The following CSF2 variants were observed in gnomAD, a reference collection of about 807,000 sequenced individuals.
CSF2 encodes the protein granulocyte-macrophage colony-stimulating factor.
CSF2 carries 2 observed loss-of-function variants against 13.5 expected under a neutral mutation model. The observed-to-expected ratio is 0.15, with a 90% confidence interval of 0.06 to 0.47. The LOEUF is 0.47. Ranked by LOEUF, CSF2 falls within the 20% of genes least tolerant of loss-of-function variation. The pLI is 0.97. For synonymous variants in CSF2, 66 were observed against 69.2 expected, an observed-to-expected ratio of 0.95 and a Z score of 0.23; for missense variants, 141 against 179.7, an observed-to-expected ratio of 0.78 and a Z score of 1.23.
Position 132,075,906 on chromosome 5 carries a change from A to G in CSF2, c.*54A>G. 7.2e-7 allele frequency: 1 copy of G among 1,386,036 alleles called. No homozygotes were observed. The highest frequency in any genetic ancestry group is 1.0e-6 in the Non-Finnish European group (1 of 984,210). The allele number at this position is 1,386,036 out of a possible 1,614,324, so 85.9% of individuals were successfully genotyped here. On this transcript the variant is annotated 3_prime_UTR_variant, in exon 4 of 4. Transcript: ENST00000296871. ...GGGAGCTGCTCTCTCATGAAACAAGAGCTAGAAACTCAGGATGGTCATCTT... is the reference window on the plus strand; with the variant it reads ...GGGAGCTGCTCTCTCATGAAACAAGGGCTAGAAACTCAGGATGGTCATCTT...
rs953117638 is a variant in CSF2 at position 132,076,075 on chromosome 5, T to A, written c.*223T>A. On this transcript the variant is annotated 3_prime_UTR_variant, in exon 4 of 4. Transcript: ENST00000296871. ...AGTAATATTTATATATTTATATTTT[T>A]AAAATATTTATTTATTTATTTATTT... is the stretch of plus-strand genomic sequence containing the variant. 9 of 187,262 alleles carry A rather than the reference T, an allele frequency of 4.8e-5. No individual in the cohort carries two copies. The highest frequency in any genetic ancestry group is 1.4e-4 in the African/African-American group (6 of 42,242). The allele number at this position is 187,262 out of a possible 1,614,324, so 11.6% of individuals were successfully genotyped here.
At position 132,075,955 on chromosome 5, in the gene CSF2, A is replaced by G. The variant is rs1756699822; in HGVS notation, c.*103A>G. On this transcript the variant is annotated 3_prime_UTR_variant, in exon 4 of 4. Coordinates refer to ENST00000296871, the MANE Select transcript of CSF2 (RefSeq NM_000758.4). ...TTGGAGGGACCAAGGGGTGGGCCAC[A>G]GCCATGGTGGGAGTGGCCTGGACCT... 2.1e-6 allele frequency: 2 copies of G among 953,604 alleles called. No homozygotes were observed. The highest frequency in any genetic ancestry group is 1.6e-5 in the African/African-American group (1 of 62,258). 59.1% of individuals were successfully genotyped at this position (953,604 alleles called of 1,614,324 possible). A position where few individuals can be genotyped will look rare whatever the true frequency, so the allele number is the denominator to read the frequency against.
At chr5:132,074,629 G>A (rs1756677237) in intron 2 of CSF2, among the ~76,000 whole-genome samples, 181 bp from the exon 3 acceptor site, 1 of 152,218 alleles carries the variant, frequency 6.6e-6, no homozygotes, top group South Asian at 2.1e-4. Flanking sequence ...GGGCGGGGCA[G>A]TGAGAAGGGC....
At position 132,075,733 on chromosome 5, in the gene CSF2, C is replaced by CT. The variant is rs745838061; in HGVS notation, c.328-5dup. 9 of 1,594,384 alleles carry CT rather than the reference C, an allele frequency of 5.6e-6. No individual in the cohort carries two copies. The highest frequency in any genetic ancestry group is 2.2e-5 in the East Asian group (1 of 44,776). On this transcript the variant is annotated splice_polypyrimidine_tract_variant and intron_variant, in intron 3 of 3. Transcript: ENST00000296871. Reference sequence around the variant, plus strand: ...CTGGACTCAAGTGTTTTTTATTTTTCTTTTTTTAAAGGAAACTTCCTGTGC... The same window carrying CT: ...CTGGACTCAAGTGTTTTTTATTTTTCTTTTTTTTAAAGGAAACTTCCTGTGC...
intron 2 of CSF2, 47 bp from the exon 3 acceptor site, chr5:132,074,763 C>G (rs1756679484): frequency 6.2e-7 from 1 of 1,613,598 alleles, no homozygotes; most frequent in African/African-American, 1.3e-5. Context: ...TCTTGTACCA[C>G]TGTGGGCACT....
At position 132,073,993 on chromosome 5, in the gene CSF2, G is replaced by A; in HGVS notation, c.159+11G>A. 1 of 1,613,692 alleles carries A rather than the reference G, an allele frequency of 6.2e-7. No individual in the cohort carries two copies. The highest frequency in any genetic ancestry group is 8.5e-7 in the Non-Finnish European group (1 of 1,180,048). Reference sequence around the variant, plus strand: ...ACTGCTGCTGAGATGGTAAGTGAGAGAATGTGGGCCTGTGCCTAGGCCACC... The same window carrying A: ...ACTGCTGCTGAGATGGTAAGTGAGAAAATGTGGGCCTGTGCCTAGGCCACC... On this transcript the variant is annotated intron_variant, in intron 1 of 3. Coordinates refer to ENST00000296871, the MANE Select transcript of CSF2 (RefSeq NM_000758.4).
intron 3 of CSF2, among the ~76,000 whole-genome samples, chr5:132,075,310 G>C (rs1407680771): frequency 2.6e-5 from 4 of 152,242 alleles, no homozygotes; most frequent in Non-Finnish European, 5.9e-5. Flanking sequence ...CACATGGGGT[G>C]CTTGAATTGC....
At chr5:132,075,069 C>A in intron 3 of CSF2, 134 bp downstream of exon 3, 1 of 1,383,892 alleles carries the variant, frequency 7.2e-7, no homozygotes. Flanking sequence ...TAATGATTAG[C>A]CCTCCAGAGA....
Position 132,075,828 on chromosome 5 carries a change from C to T in CSF2, c.411C>T (p.Asp137=). 1 of 1,610,724 alleles carries T rather than the reference C, an allele frequency of 6.2e-7. No individual in the cohort carries two copies. The highest frequency in any genetic ancestry group is 8.5e-7 in the Non-Finnish European group (1 of 1,179,710). The change falls in exon 4 of 4, where the codon GAC becomes GAT. Residue 137 remains aspartate (D), a synonymous_variant. Coordinates refer to ENST00000296871, the MANE Select transcript of CSF2 (RefSeq NM_000758.4). ...LKDFLLVIPF[D]CWEPVQE Reference sequence around the variant, plus strand: ...ACTTTCTGCTTGTCATCCCCTTTGACTGCTGGGAGCCAGTCCAGGAGTGAG... The same window carrying T: ...ACTTTCTGCTTGTCATCCCCTTTGATTGCTGGGAGCCAGTCCAGGAGTGAG...
Position 132,074,849 on chromosome 5 carries a change from C to T in CSF2, c.241C>T (p.Gln81Ter). 6.2e-7 allele frequency: 1 copy of T among 1,613,754 alleles called. No individual in the cohort carries two copies. The highest frequency in any genetic ancestry group is 8.5e-7 in the Non-Finnish European group (1 of 1,180,032). The change falls in exon 3 of 4, where the codon CAG (glutamine) becomes TAG (stop). Residue 81 changes from glutamine (Q) to a stop codon, truncating the protein, a stop_gained. Coordinates refer to ENST00000296871, the MANE Select transcript of CSF2 (RefSeq NM_000758.4). LOFTEE classifies it high-confidence loss of function. ...CLQTRLELYK[Q>*]GLRGSLTKLK... Reference sequence around the variant, plus strand: ...ACAGACCCGCCTGGAGCTGTACAAGCAGGGCCTGCGGGGCAGCCTCACCAA... The same window carrying T: ...ACAGACCCGCCTGGAGCTGTACAAGTAGGGCCTGCGGGGCAGCCTCACCAA...
chr5:132,075,628 A>AGTGG (rs1756694459), intron 3 of CSF2, 117 bp from the exon 4 acceptor site: 2 of 801,372 alleles, frequency 2.5e-6, no homozygotes. Context: ...TGTGTCCTGG[A>AGTGG]GTGGGCCTCC....
At position 132,073,841 on chromosome 5, in the gene CSF2, G is replaced by A; in HGVS notation, c.18G>A (p.Leu6=). MWLQS[L]LLLGTVACSI... ...TCTGGAGGATGTGGCTGCAGAGCCTGCTGCTCTTGGGCACTGTGGCCTGCA... is the reference window on the plus strand; with the variant it reads ...TCTGGAGGATGTGGCTGCAGAGCCTACTGCTCTTGGGCACTGTGGCCTGCA... Residue 6 remains leucine, a synonymous_variant, in exon 1 of 4, where the codon CTG becomes CTA. Transcript: ENST00000296871. The A allele has an allele frequency of 1.2e-6, 2 of 1,612,672 alleles. No homozygotes were observed.
rs528372699 is a variant in CSF2 at position 132,075,101 on chromosome 5, T to C, written c.327+166T>C. Among the ~76,000 whole-genome samples the C allele has an allele frequency of 2.6e-5, 4 of 152,310 alleles. No homozygotes were observed. The South Asian group carries it at 6.2e-4, about 24-fold the overall frequency. On this transcript the variant is annotated intron_variant, in intron 3 of 3. Transcript: ENST00000296871. ...GAGAGGAGGCAGACAGCCCATTTCA[T>C]CCCAAGGAGTCAGAGCCACAGAGCG... is the stretch of plus-strand genomic sequence containing the variant.
rs143375057 is a variant in CSF2, at chr5:132,073,979, G to C, written c.156G>C (p.Glu52Asp). Residue 52 changes from glutamate to aspartate, a missense_variant, in exon 1 of 4, where the codon GAG (glutamate) becomes GAC (aspartate). Glu to Asp is a conservative substitution (Grantham distance 45). Coordinates refer to ENST00000296871, the MANE Select transcript of CSF2 (RefSeq NM_000758.4). ...LLNLSRDTAA[E>D]MNETVEVISE... ...ACCTGAGTAGAGACACTGCTGCTGA[G>C]ATGGTAAGTGAGAGAATGTGGGCCT... 6.2e-5 allele frequency: 100 copies of C among 1,613,522 alleles called. No homozygotes were observed. Among genetic ancestry groups the C allele is most frequent in the Middle Eastern group, 1.6e-4 (1 of 6,084 alleles).
rs111300556 is a variant in CSF2 at position 132,075,632 on chromosome 5, G to C, written c.328-113G>C. On this transcript the variant is annotated intron_variant, in intron 3 of 3. Coordinates refer to ENST00000296871, the MANE Select transcript of CSF2 (RefSeq NM_000758.4). ...AGGTCAGTGGGTGTGTCCTGGAGTG[G>C]GCCTCCTGGCCTCTGAGTTCTAAGA... 1.4e-3 allele frequency: 1,133 copies of C among 827,570 alleles called. 9 individuals carry two copies. The African/African-American group carries it at 0.017, about 12-fold the overall frequency. 51.3% of individuals were successfully genotyped at this position (827,570 alleles called of 1,614,324 possible). A position where few individuals can be genotyped will look rare whatever the true frequency, so the allele number is the denominator to read the frequency against.
At chr5:132,074,711 C>CCTGGGGG (rs1408672330) in intron 2 of CSF2, 99 bp from the exon 3 acceptor site, 2 of 1,590,160 alleles carry the variant, frequency 1.3e-6, no homozygotes, top group Non-Finnish European at 1.7e-6. Context: ...AAGCCCTACT[C>CCTGGGGG]CTGGGGGCTG....
chr5:132,075,850 T>A lies in CSF2; in HGVS notation c.433T>A (p.Ter145ArgextTer63), dbSNP rs1756698335. 6.2e-7 allele frequency: 1 copy of A among 1,606,338 alleles called. No homozygotes were observed. Among genetic ancestry groups the A allele is most frequent in the Non-Finnish European group, 8.5e-7 (1 of 1,177,212 alleles). ...TGACTGCTGGGAGCCAGTCCAGGAG[T>A]GAGACCGGCCAGATGAGGCTGGCCA... is the stretch of plus-strand genomic sequence containing the variant. ...PFDCWEPVQE[*>R] The change falls in exon 4 of 4, where the codon TGA (stop) becomes AGA (arginine). Residue 145 changes from the stop codon to arginine, a stop_lost. Coordinates refer to ENST00000296871, the MANE Select transcript of CSF2 (RefSeq NM_000758.4).
Position 132,074,881 on chromosome 5 carries a change from G to C in CSF2, c.273G>C (p.Lys91Asn). 1 of 1,613,488 alleles carries C rather than the reference G, an allele frequency of 6.2e-7. No individual in the cohort carries two copies. Among genetic ancestry groups the C allele is most frequent in the Middle Eastern group, 1.7e-4 (1 of 6,058 alleles). ...TGCGGGGCAGCCTCACCAAGCTCAA[G>C]GGCCCCTTGACCATGATGGCCAGCC... ...QGLRGSLTKL[K>N]GPLTMMASHY... Residue 91 changes from lysine (K) to asparagine (N), a missense_variant, in exon 3 of 4, where the codon AAG (lysine) becomes AAC (asparagine). Physicochemically the swap from Lys to Asn is moderately conservative, Grantham distance 94 (BLOSUM62 0). Coordinates refer to ENST00000296871, the MANE Select transcript of CSF2 (RefSeq NM_000758.4).
chr5:132,076,104 T>A lies in CSF2; in HGVS notation c.*252T>A, dbSNP rs13306292. 5.5e-5 allele frequency: 9 copies of A among 162,916 alleles called. No homozygotes were observed. The East Asian group carries it at 1.6e-3, about 29-fold the overall frequency. The allele number at this position is 162,916 out of a possible 1,614,324, so 10.1% of individuals were successfully genotyped here. ...ATATTTATTTATTTATTTATTTAAG[T>A]TCATATTCCATATTTATTCAAGATG... On this transcript the variant is annotated 3_prime_UTR_variant, in exon 4 of 4. Coordinates refer to ENST00000296871, the MANE Select transcript of CSF2 (RefSeq NM_000758.4).
Sources: allele counts gnomAD v4.1 joint callset (sites outside exome capture counted in the v4.1 genomes callset), GRCh38; gene constraint gnomAD v4.1.1; transcripts MANE v1.5; gene names NCBI Gene and HGNC (gene_info 2026-07-23, HGNC 2026-07-21).